The following PCDHGA7 variants were observed in gnomAD, a reference collection of about 807,000 sequenced individuals.
PCDHGA7 encodes protocadherin gamma-A7.
Under a neutral mutation model 58.3 loss-of-function variants are expected in PCDHGA7, and 44 were observed. That is an observed-to-expected ratio of 0.75 (90% CI 0.59 to 0.97). The LOEUF (loss-of-function observed/expected upper bound fraction) is 0.97, where lower values mean the gene tolerates loss of function less well. Among genes scored for constraint, PCDHGA7 ranks in the 50% least tolerant of loss-of-function variants. The probability of loss-of-function intolerance (pLI) is 0.00; values close to 1 mark genes in which losing one functional copy is unlikely to be tolerated. For missense variants in PCDHGA7, 1,266 were observed against 1,188.7 expected (o/e 1.06, Z -0.96); for synonymous variants, 516 against 504.2 (o/e 1.02, Z -0.31).
In PCDHGA7 at chr5:141,408,857, G is replaced by T. The variant is rs372861749; in HGVS notation, c.2424+23534G>T. 1.9e-5 allele frequency: 30 copies of T among 1,613,424 alleles called. No homozygotes were observed. Among genetic ancestry groups the T allele is most frequent in the Non-Finnish European group, 2.5e-5 (29 of 1,179,810 alleles). ...GATATTGACTGCCTTGGACGGAGGG[G>T]ACCCACCAAGAAGTGCCACCGCTCA... On this transcript the variant is annotated intron_variant, in intron 1 of 3. Coordinates refer to ENST00000518325, the MANE Select transcript of PCDHGA7 (RefSeq NM_018920.4).
rs746487145 is a variant in PCDHGA7 at position 141,505,415 on chromosome 5, G to A, written c.2506G>A (p.Gly836Ser). 7.4e-6 allele frequency: 12 copies of A among 1,614,074 alleles called. No individual in the cohort carries two copies. The East Asian group carries it at 1.3e-4, about 18-fold the overall frequency. Residue 836 changes from glycine to serine, a missense_variant, in exon 3 of 4, where the codon GGC (glycine) becomes AGC (serine). Gly to Ser is a moderately conservative substitution (Grantham distance 56, BLOSUM62 0). Coordinates refer to ENST00000518325, the MANE Select transcript of PCDHGA7 (RefSeq NM_018920.4). ...CAGCTCCCAAAATGGCGATGACACC[G>A]GCACCTGGCCCAACAACCAGTTTGA... ...TSGSQNGDDT[G>S]TWPNNQFDTE...
chr5:141,399,893 C>G (rs2093913222), intron 1 of PCDHGA7: 2 of 1,612,566 alleles, frequency 1.2e-6, no homozygotes, highest in Non-Finnish European at 1.7e-6. Flanking sequence ...AAGGTAGTGG[C>G]CGTGGACGCA....
Position 141,490,156 on chromosome 5 carries a change from G to T in PCDHGA7, c.2425-4651G>T. On this transcript the variant is annotated intron_variant, in intron 1 of 3. Coordinates refer to ENST00000518325, the MANE Select transcript of PCDHGA7 (RefSeq NM_018920.4). The surrounding 1 kb of genome is among the most constrained non-coding windows in gnomAD (Gnocchi z 5.4). ...TAGCAGTGGGGCAATCCATGTGTTG[G>T]GTCCCATAGACTTTGAGGAGTCACG... is the stretch of plus-strand genomic sequence containing the variant. 3.1e-6 allele frequency: 5 copies of T among 1,614,192 alleles called. No individual in the cohort carries two copies. Among genetic ancestry groups the T allele is most frequent in the Non-Finnish European group, 4.2e-6 (5 of 1,180,034 alleles).
chr5:141,410,239 T>C, intron 1 of PCDHGA7: 2 of 1,614,024 alleles, frequency 1.2e-6, no homozygotes, highest in Admixed American at 1.7e-5. Flanking sequence ...GCGACCGCCC[T>C]GTACTCTCTG....
rs151037104 is a variant in PCDHGA7, at chr5:141,393,242, C to G, written c.2424+7919C>G. 3 of 1,613,778 alleles carry G rather than the reference C, an allele frequency of 1.9e-6. 1 individual carries two copies. The East Asian group carries it at 6.7e-5, about 36-fold the overall frequency. ...TCGAAGATCTAGAAGTAAAAATTAA[C>G]GAAATCGCGGTTCCTGGAGCACGTT... On this transcript the variant is annotated intron_variant, in intron 1 of 3. Coordinates refer to ENST00000518325, the MANE Select transcript of PCDHGA7 (RefSeq NM_018920.4).
At chr5:141,423,591 A>G in intron 1 of PCDHGA7, 1 of 1,613,312 alleles carries the variant, frequency 6.2e-7, no homozygotes, top group South Asian at 1.1e-5. Context: ...GCTGTGAGAA[A>G]AGCGAGCCAC....
At chr5:141,403,317 A>G (rs576274199) in intron 1 of PCDHGA7, 2 of 1,613,974 alleles carry the variant, frequency 1.2e-6, no homozygotes, top group South Asian at 2.2e-5. Flanking sequence ...ATAGAAATAG[A>G]AGTAACTGAT....
intron 1 of PCDHGA7, among the ~76,000 whole-genome samples, chr5:141,401,503 C>T (rs755118621): frequency 6.6e-6 from 1 of 151,946 alleles, no homozygotes; most frequent in Non-Finnish European, 1.5e-5. Context: ...AATCCTTTTC[C>T]ACCTCTATAT....
rs768311217 is a variant in PCDHGA7 at position 141,382,969 on chromosome 5, T to C, written c.70T>C (p.Trp24Arg). Residue 24 changes from tryptophan to arginine, a missense_variant, in exon 1 of 4, where the codon TGG becomes CGG. By Grantham distance (101) the Trp-to-Arg change is moderately radical. Coordinates refer to ENST00000518325, the MANE Select transcript of PCDHGA7 (RefSeq NM_018920.4). The part of the protein sequence containing the change: ...FLLSILLGTP[W>R]EAWAGRILYS... Reference sequence around the variant, plus strand: ...GCTCTCCATCCTCCTGGGGACCCCCTGGGAAGCCTGGGCAGGACGTATTCT... The same window carrying C: ...GCTCTCCATCCTCCTGGGGACCCCCCGGGAAGCCTGGGCAGGACGTATTCT... The C allele has an allele frequency of 1.2e-5, 19 of 1,609,300 alleles. No homozygotes were observed. Among genetic ancestry groups the C allele is most frequent in the Non-Finnish European group, 1.6e-5 (19 of 1,176,708 alleles).
chr5:141,430,509 G>T, intron 1 of PCDHGA7: 1 of 328,564 alleles, frequency 3.0e-6, no homozygotes. Flanking sequence ...GGGAGTTCAA[G>T]ATTGTGCAGT....
rs747077639 is a variant in PCDHGA7, at chr5:141,432,371, G to C, written c.2424+47048G>C. 2 of 1,614,234 alleles carry C rather than the reference G, an allele frequency of 1.2e-6. No individual in the cohort carries two copies. The highest frequency in any genetic ancestry group is 1.6e-4 in the Middle Eastern group (1 of 6,062). ...AGTGAAAGTGATGGCGCGGGACAAC[G>C]GGCACCCGCCCCTCAGCAGCAACGT... On this transcript the variant is annotated intron_variant, in intron 1 of 3. Transcript: ENST00000518325. The surrounding 1 kb of genome is among the most constrained non-coding windows in gnomAD (Gnocchi z 6.0).
At chr5:141,436,486 C>A (rs2097826645) in intron 1 of PCDHGA7, among the ~76,000 whole-genome samples, 1 of 152,152 alleles carries the variant, frequency 6.6e-6, no homozygotes. Flanking sequence ...AGAAGGATAG[C>A]AGCTTTGCAA....
chr5:141,427,921 G>A (rs2097089596), intron 1 of PCDHGA7: 3 of 1,580,128 alleles, frequency 1.9e-6, no homozygotes, highest in African/African-American at 1.3e-5. Flanking sequence ...AACATGAGCC[G>A]GCGCATGTTG....
chr5:141,468,790 C>T (rs1215557602), intron 1 of PCDHGA7, among the ~76,000 whole-genome samples: 10 of 151,564 alleles, frequency 6.6e-5, no homozygotes, highest in African/African-American at 2.2e-4. Context: ...GGCGTGAACC[C>T]GGGAGGCGGA....
intron 1 of PCDHGA7, chr5:141,428,187 C>T: frequency 1.4e-6 from 2 of 1,439,502 alleles, no homozygotes; most frequent in Non-Finnish European, 1.9e-6. Context: ...GGACAGCCGC[C>T]GCTCTCTGCG....
At chr5:141,415,392 G>T in intron 1 of PCDHGA7, 1 of 1,614,238 alleles carries the variant, frequency 6.2e-7, no homozygotes, top group Non-Finnish European at 8.5e-7. Context: ...TGACAGGTGT[G>T]TCCGGCTCGC....
intron 2 of PCDHGA7, among the ~76,000 whole-genome samples, chr5:141,500,695 T>G (rs1214079801): frequency 1.3e-5 from 2 of 152,214 alleles, no homozygotes; most frequent in Admixed American, 6.5e-5. Flanking sequence ...TTTTTCTTCT[T>G]TGCAGTGTAT....
At chr5:141,419,049 C>T in intron 1 of PCDHGA7, 6 of 1,613,954 alleles carry the variant, frequency 3.7e-6, no homozygotes, top group Non-Finnish European at 5.1e-6. Flanking sequence ...ATTCATTCTT[C>T]TTCTAATAAT....
intron 1 of PCDHGA7, chr5:141,397,905 G>C: frequency 1.5e-6 from 1 of 659,508 alleles, no homozygotes; most frequent in East Asian, 2.8e-5. Flanking sequence ...GCAGAGCTTG[G>C]CGCTCCAGAT....
Sources: gnomAD v4.1 joint callset for allele counts (sites outside exome capture counted in the v4.1 genomes callset) on GRCh38, gnomAD v4.1.1 for gene constraint, Gnocchi (gnomAD v3.1) non-coding constraint, MANE v1.5 for transcripts, NCBI Gene and HGNC (gene_info 2026-07-23, HGNC 2026-07-21) for gene names.